NOC3L: variants seen among roughly 807,000 people sequenced by gnomAD.
NOC3L encodes NOC3 like DNA replication regulator.
NOC3L carries 85 observed loss-of-function variants against 102.5 expected under a neutral mutation model. The observed-to-expected ratio is 0.83, with a 90% CI of 0.70 to 0.99. The LOEUF is 0.99. Ranked by LOEUF, NOC3L falls within the 50% of genes least tolerant of loss-of-function variation. The probability of loss-of-function intolerance (pLI) is 0.00; values close to 1 mark genes in which losing one functional copy is unlikely to be tolerated. For missense variants in NOC3L, 878 were observed against 914.9 expected, an observed-to-expected ratio of 0.96 and a Z score of 0.52; for synonymous variants, 303 against 309.4, an observed-to-expected ratio of 0.98 and a Z score of 0.22.
intron 13 of NOC3L, among the ~76,000 whole-genome samples, chr10:94,344,191 A>G (rs146857195): frequency 5.1e-4 from 77 of 152,350 alleles, no homozygotes; most frequent in African/African-American, 1.8e-3. Context: ...AGAATTTAGT[A>G]GGCAGAAAGA....
Position 94,358,080 on chromosome 10 carries a change from T to A in NOC3L, c.350+3A>T, listed in dbSNP as rs756507091. The A allele has an allele frequency of 7.7e-6, 12 of 1,559,170 alleles. No individual in the cohort carries two copies. The highest frequency in any genetic ancestry group is 1.1e-5 in the Non-Finnish European group (12 of 1,131,078). On this transcript the variant is annotated splice_donor_region_variant and intron_variant, in intron 3 of 20. Coordinates refer to ENST00000371361, the MANE Select transcript of NOC3L (RefSeq NM_022451.11). ...AATGATTATAACCCAAATGAAGTATTACCTAGAAGAAAGATCTCTTGTTAG... is the reference window on the plus strand; with the variant it reads ...AATGATTATAACCCAAATGAAGTATAACCTAGAAGAAAGATCTCTTGTTAG...
At chr10:94,352,550 G>GA in intron 7 of NOC3L, 147 bp from the exon 8 acceptor site, 1 of 619,384 alleles carries the variant, frequency 1.6e-6, no homozygotes, top group Non-Finnish European at 2.8e-6. Context: ...GGCCAGGCGT[G>GA]GTGGCTCATG....
chr10:94,349,462 G>C (rs945419097), intron 9 of NOC3L, 84 bp from the exon 10 acceptor site: 83 of 1,267,622 alleles, frequency 6.5e-5, no homozygotes, highest in Admixed American at 1.1e-4. Flanking sequence ...CTTTGTTGTA[G>C]GGGGACTGTC....
At chr10:94,322,011 A>G in the NOC3L span, 1 of 1,614,180 alleles carries the variant, frequency 6.2e-7, no homozygotes. Flanking sequence ...AACCTCGAAC[A>G]GTCATCAAAG....
chr10:94,350,010 G>A (rs762245685), intron 9 of NOC3L, 103 bp downstream of exon 9: 32 of 1,034,338 alleles, frequency 3.1e-5, no homozygotes, highest in African/African-American at 6.3e-5. Flanking sequence ...TGCCTGCCTC[G>A]GCCTCCCAAA....
In NOC3L at chr10:94,337,801, G is replaced by A. The variant is rs992372720; in HGVS notation, c.2165C>T (p.Ala722Val). 6.2e-7 allele frequency: 1 copy of A among 1,613,454 alleles called. No individual in the cohort carries two copies. Among genetic ancestry groups the A allele is most frequent in the Non-Finnish European group, 8.5e-7 (1 of 1,179,446 alleles). ...CCTTCGACTCAACTCTGGTTTGAGT[G>A]CTCCAGAGCCTTCAGAAGGTGCTCC... is the stretch of plus-strand genomic sequence containing the variant. ...IAGAPSEGSGALKPELSRRSA... is the reference protein window; with the variant it reads ...IAGAPSEGSGVLKPELSRRSA... The change falls in exon 19 of 21, where the codon GCA becomes GTA. Residue 722 changes from alanine (A) to valine (V), a missense_variant. Ala to Val is a moderately conservative substitution (Grantham distance 64, BLOSUM62 0). Transcript: ENST00000371361.
At chr10:94,349,182 CT>C in intron 10 of NOC3L, 67 bp downstream of exon 10, 1 of 1,524,088 alleles carries the variant, frequency 6.6e-7, no homozygotes, top group Non-Finnish European at 8.8e-7. Flanking sequence ...GAATAAATTC[CT>C]CATAACAACT....
At chr10:94,338,483 T>TA (rs1239771345) in intron 18 of NOC3L, 125 bp downstream of exon 18, 14 of 1,102,528 alleles carry the variant, frequency 1.3e-5, no homozygotes, top group African/African-American at 3.1e-5. Context: ...ACAGGAATTC[T>TA]AAAAAAGGCA....
chr10:94,325,193 T>G, the NOC3L span: 4 of 957,802 alleles, frequency 4.2e-6, no homozygotes, highest in Non-Finnish European at 6.7e-6. Context: ...TCTTTTATCT[T>G]TTCCAACAGG....
At position 94,339,890 on chromosome 10, in the gene NOC3L, A is replaced by G. The variant is rs1354818196; in HGVS notation, c.1811T>C (p.Leu604Pro). Reference protein sequence around the residue: ...GATNEGVEIVLQCLDVMLTKR... With the variant: ...GATNEGVEIVPQCLDVMLTKR... ...AGTTAGCATGACATCAAGGCACTGG[A>G]GTACAATCTCAACACCTTCATTGGT... is the stretch of plus-strand genomic sequence containing the variant. The change falls in exon 17 of 21, where the codon CTC (leucine) becomes CCC (proline). Residue 604 changes from leucine (L) to proline (P), a missense_variant. By Grantham distance (98) the Leu-to-Pro change is moderately conservative. Transcript: ENST00000371361. 6.2e-7 allele frequency: 1 copy of G among 1,614,116 alleles called. No individual in the cohort carries two copies. Among genetic ancestry groups the G allele is most frequent in the East Asian group, 2.2e-5 (1 of 44,884 alleles).
intron 16 of NOC3L, 124 bp downstream of exon 16, chr10:94,340,152 A>G (rs2054265614): frequency 1.2e-6 from 1 of 834,338 alleles, no homozygotes; most frequent in East Asian, 2.6e-5. Flanking sequence ...ATACAGATGC[A>G]TGGCACTGGA....
At chr10:94,357,799 C>T (rs1299450770) in intron 3 of NOC3L, 5 of 367,186 alleles carry the variant, frequency 1.4e-5, no homozygotes, top group South Asian at 3.9e-5. Context: ...AAATCATAGC[C>T]GTAGGAACTC....
At chr10:94,335,172 C>T (rs952367027) in intron 19 of NOC3L, among the ~76,000 whole-genome samples, 3 of 152,224 alleles carry the variant, frequency 2.0e-5, no homozygotes, top group East Asian at 1.9e-4. Context: ...ATACCCATGG[C>T]GTGTAAATGA....
intron 12 of NOC3L, 124 bp downstream of exon 12, chr10:94,344,727 CAA>C (rs1032292849): frequency 1.3e-5 from 10 of 760,208 alleles, no homozygotes; most frequent in Non-Finnish European, 1.9e-5. Flanking sequence ...CCGCACATCA[CAA>C]AAGTCACACA....
Position 94,353,017 on chromosome 10 carries a change from T to C in NOC3L, c.737A>G (p.Gln246Arg), listed in dbSNP as rs773461571. 8.7e-6 allele frequency: 14 copies of C among 1,613,342 alleles called. No individual in the cohort carries two copies. The Admixed American group carries it at 1.0e-4, about 12-fold the overall frequency. Residue 246 changes from glutamine (Q) to arginine (R), a missense_variant, in exon 7 of 21, where the codon CAA (glutamine) becomes CGA (arginine). Coordinates refer to ENST00000371361, the MANE Select transcript of NOC3L (RefSeq NM_022451.11). ...AACAGTAACAGCCACATCAGGATCT[T>C]GTTCCATCAACATAGAACGTAATTC... ...LKELRSMLME[Q>R]DPDVAVTVRK...
chr10:94,315,749 GAC>G, the NOC3L span, among the ~76,000 whole-genome samples: 1 of 136,440 alleles, frequency 7.3e-6, no homozygotes, highest in Admixed American at 7.9e-5. Flanking sequence ...CAGCCTGGGC[GAC>G]AGAGGGAGAC....
intron 4 of NOC3L, 34 bp from the exon 5 acceptor site, chr10:94,356,625 A>G: frequency 8.0e-7 from 1 of 1,256,000 alleles, no homozygotes. Context: ...AAACTGTGAT[A>G]TATACTTAAG....
intron 20 of NOC3L, 70 bp downstream of exon 20, chr10:94,334,564 C>T: frequency 9.1e-7 from 1 of 1,100,080 alleles, no homozygotes; most frequent in South Asian, 1.4e-5. Context: ...ATTAAGCAAA[C>T]TGGAGTTAGA....
At position 94,357,219 on chromosome 10, in the gene NOC3L, T is replaced by C. The variant is rs762099652; in HGVS notation, c.463A>G (p.Ile155Val). The C allele has an allele frequency of 3.1e-6, 5 of 1,603,492 alleles. No individual in the cohort carries two copies. The highest frequency in any genetic ancestry group is 2.3e-5 in the South Asian group (2 of 88,802). Residue 155 changes from isoleucine (I) to valine (V), a missense_variant, in exon 4 of 21, where the codon ATC becomes GTC. Ile to Val is a conservative substitution (Grantham distance 29). Transcript: ENST00000371361. ...GGGATTATACCACTTTTATCTTTGA[T>C]AGGAAGTAAATGAATCAGTTCCTTC... ...PEKELIHLLP[I>V]KDKSGIIPQT...
Sources: gnomAD v4.1 joint callset for allele counts (sites outside exome capture counted in the v4.1 genomes callset) on GRCh38, gnomAD v4.1.1 for gene constraint, MANE v1.5 for transcripts, NCBI Gene and HGNC (gene_info 2026-07-23, HGNC 2026-07-21) for gene names.